The following PRMT2 variants were observed in gnomAD, a reference collection of about 807,000 sequenced individuals.
The protein encoded by PRMT2 is protein arginine N-methyltransferase 2.
PRMT2 carries 26 observed loss-of-function variants against 57.6 expected under a neutral mutation model. The observed-to-expected ratio is 0.45, with a 90% CI of 0.33 to 0.63. PRMT2 has a LOEUF of 0.63. Among genes scored for constraint, PRMT2 ranks in the 20% least tolerant of loss-of-function variants. The pLI, the probability that PRMT2 is intolerant of heterozygous loss-of-function variation, is 0.02. For synonymous variants in PRMT2, 219 were observed against 220.0 expected, an observed-to-expected ratio of 1.00 and a Z score of 0.04; for missense variants, 472 against 564.4, an observed-to-expected ratio of 0.84 and a Z score of 1.66.
rs1004291573 is a variant in PRMT2, at chr21:46,652,422, G to A, written c.654+2683G>A. The A allele has an allele frequency of 1.0e-5, 11 of 1,057,678 alleles. No homozygotes were observed. In the African/African-American group the frequency reaches 1.7e-4, roughly 16 times the overall value. 65.5% of individuals were successfully genotyped at this position (1,057,678 alleles called of 1,614,324 possible). A position where few individuals can be genotyped will look rare whatever the true frequency, so the allele number is the denominator to read the frequency against. ...GACGTAAAGAGTTGCAATAAGAAAA[G>A]CATAAGATAAAGGTAACCTCATGGA... On this transcript the variant is annotated intron_variant, in intron 7 of 11. Coordinates refer to ENST00000355680, the MANE Select transcript of PRMT2 (RefSeq NM_206962.4).
intron 3 of PRMT2, among the ~76,000 whole-genome samples, chr21:46,640,504 C>T (rs1468566920): frequency 2.1e-4 from 30 of 144,094 alleles, no homozygotes; most frequent in Admixed American, 1.7e-3. Context: ...TGCAGTGATG[C>T]GATCTCGGCT....
chr21:46,645,915 T>C (rs1048021259), intron 5 of PRMT2, among the ~76,000 whole-genome samples: 3 of 152,100 alleles, frequency 2.0e-5, no homozygotes, highest in Admixed American at 2.0e-4. Context: ...GGTTTTGCCA[T>C]GTTGGCCAGA....
chr21:46,651,892 C>G (rs768849223), intron 7 of PRMT2: 2 of 1,612,966 alleles, frequency 1.2e-6, no homozygotes, highest in Admixed American at 1.7e-5. Flanking sequence ...GTCTGCCTCT[C>G]CCCTGCACCT....
chr21:46,662,950 C>G (rs2061652638), intron 10 of PRMT2, among the ~76,000 whole-genome samples: 1 of 152,128 alleles, frequency 6.6e-6, no homozygotes, highest in African/African-American at 2.4e-5. Context: ...GGCAAGGGTG[C>G]AGGAAGGGGT....
chr21:46,648,259 T>G lies in PRMT2; in HGVS notation c.328-199T>G. On this transcript the variant is annotated intron_variant, in intron 5 of 11. Coordinates refer to ENST00000355680, the MANE Select transcript of PRMT2 (RefSeq NM_206962.4). This position sits in a 1 kb window ranked among gnomAD's most constrained non-coding sequence, Gnocchi z 4.8. ...AGGTATTTTTTGTGTATTATTACTG[T>G]TATAAGGGGGTGGGTGAAGTGTTCT... 1 of 547,194 alleles carries G rather than the reference T, an allele frequency of 1.8e-6. No homozygotes were observed. The highest frequency in any genetic ancestry group is 2.6e-5 in the South Asian group (1 of 38,806). The allele number at this position is 547,194 out of a possible 1,614,324, so 33.9% of individuals were successfully genotyped here.
At position 46,643,581 on chromosome 21, in the gene PRMT2, G is replaced by C; in HGVS notation, c.86G>C (p.Gly29Ala). The C allele has an allele frequency of 6.2e-7, 1 of 1,610,936 alleles. No individual in the cohort carries two copies. Among genetic ancestry groups the C allele is most frequent in the South Asian group, 1.1e-5 (1 of 90,746 alleles). Reference sequence around the variant, plus strand: ...AGTGAGGCCGGTCTCCTGCAGGAGGGAGTACAGCCAGAGGAGTTTGTGGCC... The same window carrying C: ...AGTGAGGCCGGTCTCCTGCAGGAGGCAGTACAGCCAGAGGAGTTTGTGGCC... Reference protein sequence around the residue: ...ECSEAGLLQEGVQPEEFVAIA... With the variant: ...ECSEAGLLQEAVQPEEFVAIA... The change falls in exon 4 of 12, where the codon GGA becomes GCA. Residue 29 changes from glycine (G) to alanine (A), a missense_variant. Physicochemically the swap from Gly to Ala is moderately conservative, Grantham distance 60. Around this residue, in one of 2 missense-constraint regions of PRMT2, gnomAD observed 243 missense variants for 347.2 expected, o/e 0.70. Transcript: ENST00000355680.
intron 3 of PRMT2, among the ~76,000 whole-genome samples, chr21:46,640,241 C>T (rs1429689832): frequency 5.3e-5 from 8 of 152,058 alleles, no homozygotes; most frequent in African/African-American, 1.4e-4. Context: ...TTTACGCTAT[C>T]GAGTCTTTTT....
chr21:46,641,332 T>C (rs2061271060), intron 3 of PRMT2, among the ~76,000 whole-genome samples: 1 of 152,168 alleles, frequency 6.6e-6, no homozygotes, highest in Non-Finnish European at 1.5e-5. Context: ...GTATAGCCAT[T>C]GAAGGTAGTA....
chr21:46,652,933 G>A, intron 7 of PRMT2: 1 of 1,299,216 alleles, frequency 7.7e-7, no homozygotes, highest in Non-Finnish European at 1.0e-6. Context: ...ACTAGCCAGT[G>A]GCACTGCAGG....
chr21:46,658,913 G>T lies in PRMT2; in HGVS notation c.823G>T (p.Ala275Ser). Residue 275 changes from alanine to serine, a missense_variant, in exon 8 of 12, where the codon GCT becomes TCT. Ala to Ser is a moderately conservative substitution (Grantham distance 99). Around this residue, in one of 2 missense-constraint regions of PRMT2, gnomAD observed 229 missense variants for 217.2 expected, o/e 1.05. Transcript: ENST00000355680. ...CAACGCGTACGAGTTCAACCTCAGC[G>T]CTCTGAAGTAAGTGTCCACAGCTGG... ...WDNAYEFNLS[A>S]LKSLAVKEFF... 1 of 1,613,344 alleles carries T rather than the reference G, an allele frequency of 6.2e-7. No homozygotes were observed.
chr21:46,637,028 T>G (rs750872005), intron 3 of PRMT2, 38 bp downstream of exon 3: 2 of 1,607,318 alleles, frequency 1.2e-6, no homozygotes, highest in South Asian at 1.1e-5. Flanking sequence ...CTGTGTTTAA[T>G]GAATGTGAGC....
At position 46,664,284 on chromosome 21, in the gene PRMT2, A is replaced by G. The variant is rs758416519; in HGVS notation, c.1270-11A>G. On this transcript the variant is annotated splice_polypyrimidine_tract_variant and intron_variant, in intron 11 of 11. Transcript: ENST00000355680. ...TCATCTGATTGACCTGTTGTCATTT[A>G]TCTTTTTCAGGTTGGAGAAAAAGTC... 10 of 1,601,252 alleles carry G rather than the reference A, an allele frequency of 6.2e-6. No individual in the cohort carries two copies. The South Asian group carries it at 7.7e-5, about 12-fold the overall frequency.
intron 3 of PRMT2, among the ~76,000 whole-genome samples, chr21:46,638,613 T>C (rs569724957): frequency 2.0e-5 from 3 of 152,358 alleles, no homozygotes; most frequent in African/African-American, 4.8e-5. Flanking sequence ...TTACTAACAC[T>C]TGACAGTATC....
intron 1 of PRMT2, 171 bp downstream of exon 1, chr21:46,635,934 G>A (rs1428659571): frequency 6.6e-6 from 1 of 152,340 alleles, no homozygotes; most frequent in African/African-American, 2.4e-5. Flanking sequence ...CGTCCAAACG[G>A]GAGCTCGGTC....
At chr21:46,650,039 C>G in intron 7 of PRMT2, 1 of 1,307,894 alleles carries the variant, frequency 7.6e-7, no homozygotes, top group Non-Finnish European at 1.0e-6. Context: ...ACAGGTAAGG[C>G]TGTTTCTTTA....
At position 46,649,154 on chromosome 21, in the gene PRMT2, G is replaced by C. The variant is rs977261214; in HGVS notation, c.490-421G>C. Among the ~76,000 whole-genome samples, 1 of 152,208 alleles carries C rather than the reference G, an allele frequency of 6.6e-6. No homozygotes were observed. The highest frequency in any genetic ancestry group is 1.5e-5 in the Non-Finnish European group (1 of 68,032). On this transcript the variant is annotated intron_variant, in intron 6 of 11. Transcript: ENST00000355680. This position sits in a 1 kb window ranked among gnomAD's most constrained non-coding sequence, Gnocchi z 4.8. ...GGCTCTGCAGGACCCAGGACCCAGCGCTTGGGTGCTTCCCACCAGACCCTT... is the reference window on the plus strand; with the variant it reads ...GGCTCTGCAGGACCCAGGACCCAGCCCTTGGGTGCTTCCCACCAGACCCTT...
At position 46,653,089 on chromosome 21, in the gene PRMT2, T is replaced by C. The variant is rs578174136; in HGVS notation, c.654+3350T>C. The C allele has an allele frequency of 1.5e-5, 16 of 1,043,910 alleles. No individual in the cohort carries two copies. The South Asian group carries it at 4.4e-4, about 29-fold the overall frequency. The allele number at this position is 1,043,910 out of a possible 1,614,324, so 64.7% of individuals were successfully genotyped here. ...GCTGTCAATATGTGATGAGGACATA[T>C]TATATTCCGTTATTCTCTTTAGCTC... On this transcript the variant is annotated intron_variant, in intron 7 of 11. Transcript: ENST00000355680.
chr21:46,659,058 G>T lies in PRMT2; in HGVS notation c.830+138G>T, dbSNP rs930863551. On this transcript the variant is annotated intron_variant, in intron 8 of 11. Coordinates refer to ENST00000355680, the MANE Select transcript of PRMT2 (RefSeq NM_206962.4). ...CCTGTGCACCCAGATAGGACAATCTGTTGTAGCATTGGAGTAATTAAAGCA... is the reference window on the plus strand; with the variant it reads ...CCTGTGCACCCAGATAGGACAATCTTTTGTAGCATTGGAGTAATTAAAGCA... 4 of 1,439,614 alleles carry T rather than the reference G, an allele frequency of 2.8e-6. No homozygotes were observed. In the African/African-American group the frequency reaches 5.7e-5, roughly 21 times the overall value. The allele number at this position is 1,439,614 out of a possible 1,614,324, so 89.2% of individuals were successfully genotyped here. A position where few individuals can be genotyped will look rare whatever the true frequency, so the allele number is the denominator to read the frequency against.
In PRMT2 at chr21:46,658,897, C is replaced by T. The variant is rs747862688; in HGVS notation, c.807C>T (p.Tyr269=). The change falls in exon 8 of 12, where the codon TAC becomes TAT. Residue 269 remains tyrosine, a synonymous_variant. Coordinates refer to ENST00000355680, the MANE Select transcript of PRMT2 (RefSeq NM_206962.4). ...RSKVLFWDNA[Y]EFNLSALKSL... ...AGGTGCTCTTCTGGGACAACGCGTACGAGTTCAACCTCAGCGCTCTGAAGT... is the reference window on the plus strand; with the variant it reads ...AGGTGCTCTTCTGGGACAACGCGTATGAGTTCAACCTCAGCGCTCTGAAGT... 29 of 1,613,924 alleles carry T rather than the reference C, an allele frequency of 1.8e-5. No individual in the cohort carries two copies. Among genetic ancestry groups the T allele is most frequent in the Middle Eastern group, 1.6e-4 (1 of 6,082 alleles).
Sources: gnomAD v4.1 joint callset for allele counts (sites outside exome capture counted in the v4.1 genomes callset) on GRCh38, gnomAD v4.1.1 for gene constraint, gnomAD v4.1.1 regional missense constraint, Gnocchi (gnomAD v3.1) non-coding constraint, MANE v1.5 for transcripts, NCBI Gene and HGNC (gene_info 2026-07-23, HGNC 2026-07-21) for gene names.